MEGF11: variants seen among roughly 807,000 people sequenced by gnomAD.
MEGF11 encodes multiple epidermal growth factor-like domains protein 11.
Under a neutral mutation model 146.6 loss-of-function variants are expected in MEGF11, and 126 were observed. That is an observed-to-expected ratio of 0.86 (90% CI 0.74 to 1.00). The LOEUF is 1.00. MEGF11 is among the 50% of genes least tolerant of loss of function. MEGF11 has a pLI of 0.00. For missense variants in MEGF11, 1,509 were observed against 1,521.2 expected, an observed-to-expected ratio of 0.99 and a Z score of 0.13; for synonymous variants, 532 against 583.4, an observed-to-expected ratio of 0.91 and a Z score of 1.27.
chr15:66,102,428 A>G (rs1365033550), intron 4 of MEGF11, among the ~76,000 whole-genome samples: 1 of 132,414 alleles, frequency 7.6e-6, no homozygotes, highest in Non-Finnish European at 1.6e-5. Flanking sequence ...CATTTTAAAC[A>G]TTTTCTTTTT....
intron 1 of MEGF11, among the ~76,000 whole-genome samples, chr15:66,173,389 C>T (rs1232550887): frequency 2.0e-5 from 3 of 152,050 alleles, no homozygotes; most frequent in Non-Finnish European, 2.9e-5. Flanking sequence ...GACCTTGGCT[C>T]GCTGCAACTT....
At chr15:66,022,460 G>A (rs115945823) in intron 5 of MEGF11, among the ~76,000 whole-genome samples, 2,656 of 152,296 alleles carry the variant, frequency 0.017, 67 homozygotes, top group African/African-American at 0.058. Flanking sequence ...GCACACACAC[G>A]TATGACTTTG....
At chr15:66,001,211 T>G (rs190372651) in intron 5 of MEGF11, among the ~76,000 whole-genome samples, 1 of 152,106 alleles carries the variant, frequency 6.6e-6, no homozygotes, top group Admixed American at 6.6e-5. Flanking sequence ...CTGGGAAGGC[T>G]GGAGTCCCCC....
intron 5 of MEGF11, among the ~76,000 whole-genome samples, chr15:66,091,812 C>T (rs192676096): frequency 5.3e-5 from 8 of 152,266 alleles, no homozygotes; most frequent in South Asian, 2.1e-4. Context: ...ATAAAGGCCA[C>T]GGCCAACGGA....
intron 5 of MEGF11, among the ~76,000 whole-genome samples, chr15:66,018,461 G>A (rs982740684): frequency 5.9e-5 from 9 of 152,256 alleles, no homozygotes; most frequent in African/African-American, 1.9e-4. Context: ...GCCCCGCTGT[G>A]GTTTCTGTGC....
intron 5 of MEGF11, among the ~76,000 whole-genome samples, chr15:66,005,378 A>T (rs1394173676): frequency 6.6e-6 from 1 of 152,190 alleles, no homozygotes; most frequent in Non-Finnish European, 1.5e-5. Context: ...TGCCAAGTGG[A>T]GATCATTTTA....
At position 66,117,386 on chromosome 15, in the gene MEGF11, C is replaced by T. The variant is rs916698667; in HGVS notation, c.301+1700G>A. ...GCCAGAAGGTAGTACCCAGTGGTTA[C>T]ATAAGGAGTAAGTCGGAAGGTATAA... On this transcript the variant is annotated intron_variant, in intron 4 of 25. Transcript: ENST00000395614. Among the ~76,000 whole-genome samples the T allele has an allele frequency of 2.0e-5, 3 of 152,176 alleles. No individual in the cohort carries two copies. The South Asian group carries it at 6.2e-4, about 32-fold the overall frequency.
chr15:65,942,609 C>T (rs1485601789), intron 10 of MEGF11, among the ~76,000 whole-genome samples: 2 of 152,104 alleles, frequency 1.3e-5, no homozygotes, highest in Admixed American at 1.3e-4. Context: ...ATCCCACATC[C>T]AGGCAGGTCT....
chr15:65,976,691 A>G (rs1434283325), intron 7 of MEGF11, among the ~76,000 whole-genome samples: 1 of 152,180 alleles, frequency 6.6e-6, no homozygotes, highest in Non-Finnish European at 1.5e-5. Context: ...CAACAGATTC[A>G]TGTACTTGCC....
At chr15:66,243,858 C>A (rs553472186) in intron 1 of MEGF11, among the ~76,000 whole-genome samples, 1 of 152,200 alleles carries the variant, frequency 6.6e-6, no homozygotes, top group South Asian at 2.1e-4. Context: ...CCTCTACCGA[C>A]CTGCAGAATC....
At chr15:66,010,814 A>T (rs141789694) in intron 5 of MEGF11, among the ~76,000 whole-genome samples, 5 of 152,334 alleles carry the variant, frequency 3.3e-5, no homozygotes, top group Non-Finnish European at 7.3e-5. Flanking sequence ...ACCCACAGCC[A>T]ACTTAACTGG....
chr15:66,150,441 G>T (rs745807717), intron 1 of MEGF11, among the ~76,000 whole-genome samples: 1 of 152,168 alleles, frequency 6.6e-6, no homozygotes, highest in Non-Finnish European at 1.5e-5. Context: ...AGACTTCCTT[G>T]GAGAGTAATT....
intron 10 of MEGF11, among the ~76,000 whole-genome samples, chr15:65,947,737 T>C (rs1410458606): frequency 6.6e-6 from 1 of 152,178 alleles, no homozygotes; most frequent in East Asian, 1.9e-4. Flanking sequence ...AAGCCCCATC[T>C]ATGCTGAAGA....
At chr15:66,111,485 G>A (rs1033966588) in intron 4 of MEGF11, among the ~76,000 whole-genome samples, 3 of 152,216 alleles carry the variant, frequency 2.0e-5, no homozygotes, top group African/African-American at 4.8e-5. Flanking sequence ...GGGAAAGGGG[G>A]AGTTTATAGG....
At chr15:65,993,844 G>T (rs1204711197) in intron 5 of MEGF11, among the ~76,000 whole-genome samples, 1 of 152,212 alleles carries the variant, frequency 6.6e-6, no homozygotes, top group Non-Finnish European at 1.5e-5. Context: ...CCACCATGAG[G>T]TCTGGTCTGG....
At chr15:66,113,744 G>T (rs563581938) in intron 4 of MEGF11, among the ~76,000 whole-genome samples, 2 of 152,272 alleles carry the variant, frequency 1.3e-5, no homozygotes, top group South Asian at 2.1e-4. Context: ...AGCCAGGTGC[G>T]GTGTCGGGCG....
intron 10 of MEGF11, among the ~76,000 whole-genome samples, chr15:65,946,696 G>C (rs756147640): frequency 6.6e-6 from 1 of 152,118 alleles, no homozygotes; most frequent in South Asian, 2.1e-4. Context: ...CCAAGCCTGC[G>C]TGCTGGTTCT....
At chr15:66,120,842 C>A (rs1436873192) in intron 3 of MEGF11, among the ~76,000 whole-genome samples, 5 of 152,194 alleles carry the variant, frequency 3.3e-5, no homozygotes, top group African/African-American at 9.6e-5. Flanking sequence ...TATCCCCAAG[C>A]CCCGCAATGG....
At chr15:65,947,036 A>C (rs1048674947) in intron 10 of MEGF11, among the ~76,000 whole-genome samples, 6 of 152,210 alleles carry the variant, frequency 3.9e-5, no homozygotes, top group African/African-American at 9.6e-5. Context: ...ATAACTTTTA[A>C]ATAGATTTTT....
Sources: gnomAD v4.1 joint callset for allele counts (sites outside exome capture counted in the v4.1 genomes callset) on GRCh38, gnomAD v4.1.1 for gene constraint, MANE v1.5 for transcripts, NCBI Gene and HGNC (gene_info 2026-07-23, HGNC 2026-07-21) for gene names.